KIAA0825: variants seen among roughly 807,000 people sequenced by gnomAD.
The protein encoded by KIAA0825 is KIAA0825.
Under a neutral mutation model 147.6 loss-of-function variants are expected in KIAA0825, and 119 were observed. That is an observed-to-expected ratio of 0.81 (90% CI 0.69 to 0.94). The LOEUF (loss-of-function observed/expected upper bound fraction) is 0.94, where lower values mean the gene tolerates loss of function less well. KIAA0825 is among the 40% of genes least tolerant of loss of function. KIAA0825 has a pLI of 0.00. For missense variants in KIAA0825, 1,381 were observed against 1,472.7 expected (o/e 0.94, Z 1.02); for synonymous variants, 470 against 518.1 (o/e 0.91, Z 1.26).
intron 3 of KIAA0825, among the ~76,000 whole-genome samples, chr5:94,535,025 T>C (rs1771677092): frequency 6.6e-6 from 1 of 152,116 alleles, no homozygotes; most frequent in East Asian, 1.9e-4. Context: ...TTTATATTTA[T>C]ATGAAATATC....
chr5:94,405,354 T>C (rs1007935849), intron 15 of KIAA0825, among the ~76,000 whole-genome samples: 1 of 152,150 alleles, frequency 6.6e-6, no homozygotes, highest in African/African-American at 2.4e-5. Context: ...AGATGTTATA[T>C]GCAATAAAGA....
intron 5 of KIAA0825, among the ~76,000 whole-genome samples, chr5:94,495,509 A>G (rs909630928): frequency 2.6e-5 from 4 of 152,226 alleles, no homozygotes; most frequent in African/African-American, 7.2e-5. Context: ...ACAAGGCACC[A>G]TGTGACATGC....
chr5:94,361,136 T>A lies in KIAA0825; in HGVS notation c.3710+23232A>T, dbSNP rs77494001. Reference sequence around the variant, plus strand: ...AAATATAATTAAAATAACTCAATAGTTTCCACCTAATATTTTCTTACATAA... The same window carrying A: ...AAATATAATTAAAATAACTCAATAGATTCCACCTAATATTTTCTTACATAA... On this transcript the variant is annotated intron_variant, in intron 20 of 20. Coordinates refer to ENST00000682413, the MANE Select transcript of KIAA0825 (RefSeq NM_001145678.3). Among the ~76,000 whole-genome samples the A allele has an allele frequency of 6.6e-3, 1,009 of 152,340 alleles. 5 individuals carry two copies. Among genetic ancestry groups the A allele is most frequent in the Non-Finnish European group, 0.012 (797 of 68,030 alleles).
chr5:94,507,455 GC>G (rs548939779), intron 5 of KIAA0825, among the ~76,000 whole-genome samples: 23 of 110,560 alleles, frequency 2.1e-4, no homozygotes, highest in African/African-American at 5.0e-4. Context: ...CCGTCCCCCC[GC>G]CCCCCCCAAA....
chr5:94,265,239 TG>T (rs1776689789), intron 20 of KIAA0825, among the ~76,000 whole-genome samples: 1 of 152,224 alleles, frequency 6.6e-6, no homozygotes, highest in Admixed American at 6.5e-5. Flanking sequence ...TTTAGTTTAA[TG>T]TTATCATTGG....
intron 20 of KIAA0825, among the ~76,000 whole-genome samples, chr5:94,363,648 G>A (rs1445219965): frequency 1.3e-5 from 2 of 152,148 alleles, no homozygotes; most frequent in Non-Finnish European, 2.9e-5. Context: ...TGCTTAGGGA[G>A]GCTGAGGCAG....
At chr5:94,516,619 G>A (rs1231898326) in intron 5 of KIAA0825, among the ~76,000 whole-genome samples, 2 of 145,868 alleles carry the variant, frequency 1.4e-5, no homozygotes, top group Non-Finnish European at 3.0e-5. Flanking sequence ...GTGAAACCCC[G>A]TCTCTACTAA....
At chr5:94,329,551 G>A (rs1426354987) in intron 20 of KIAA0825, among the ~76,000 whole-genome samples, 1 of 152,134 alleles carries the variant, frequency 6.6e-6, no homozygotes, top group African/African-American at 2.4e-5. Context: ...TAGAGTTCTG[G>A]TTTGGGAGAA....
At chr5:94,419,018 G>A (rs1753833690) in intron 14 of KIAA0825, among the ~76,000 whole-genome samples, 2 of 151,996 alleles carry the variant, frequency 1.3e-5, no homozygotes, top group Admixed American at 6.6e-5. Context: ...GGTCTAAGGT[G>A]TGCATCACCA....
chr5:94,284,482 G>A (rs1447372816), intron 20 of KIAA0825, among the ~76,000 whole-genome samples: 5 of 151,990 alleles, frequency 3.3e-5, no homozygotes, highest in Non-Finnish European at 7.4e-5. Flanking sequence ...TAATCACCCT[G>A]CAGACAAGTT....
At chr5:94,525,806 C>CA (rs754945107) in intron 3 of KIAA0825, among the ~76,000 whole-genome samples, 2 of 151,868 alleles carry the variant, frequency 1.3e-5, no homozygotes, top group Non-Finnish European at 2.9e-5. Flanking sequence ...GGGCAGAGGC[C>CA]AAAAACTACA....
chr5:94,453,339 ATTTTTTTT>A (rs563316235), intron 12 of KIAA0825, among the ~76,000 whole-genome samples: 15 of 118,212 alleles, frequency 1.3e-4, no homozygotes, highest in Middle Eastern at 4.3e-3. Context: ...CGTGTGGCTG[ATTTTTTTT>A]TTTTTTTTTT....
chr5:94,180,644 ATTTCATGTTTC>A (rs1197877065), intron 20 of KIAA0825, among the ~76,000 whole-genome samples: 1 of 152,102 alleles, frequency 6.6e-6, no homozygotes, highest in Non-Finnish European at 1.5e-5. Flanking sequence ...ATCCTATGGC[ATTTCATGTTTC>A]AGAGAAGTTT....
At chr5:94,520,046 C>G (rs967686774) in intron 5 of KIAA0825, 21 of 1,129,572 alleles carry the variant, frequency 1.9e-5, no homozygotes, top group Non-Finnish European at 2.4e-5. Flanking sequence ...ATATCTTTAA[C>G]AATTTAATAA....
chr5:94,477,028 A>C, intron 7 of KIAA0825, 83 bp downstream of exon 7: 3 of 1,007,358 alleles, frequency 3.0e-6, no homozygotes, highest in Non-Finnish European at 4.4e-6. Context: ...GTAAAACTCA[A>C]GACATCTTGA....
chr5:94,286,559 C>CT (rs780147367), intron 20 of KIAA0825, among the ~76,000 whole-genome samples: 36 of 147,418 alleles, frequency 2.4e-4, no homozygotes, highest in Admixed American at 4.1e-4. Flanking sequence ...TTCTTTTTTT[C>CT]TTTTTTTTTT....
At chr5:94,434,128 A>G (rs1756043462) in intron 14 of KIAA0825, among the ~76,000 whole-genome samples, 1 of 152,240 alleles carries the variant, frequency 6.6e-6, no homozygotes, top group Non-Finnish European at 1.5e-5. Context: ...GACCTAACTT[A>G]AAACCAAGAA....
chr5:94,492,872 T>A (rs1763894460), intron 5 of KIAA0825, among the ~76,000 whole-genome samples: 1 of 152,210 alleles, frequency 6.6e-6, no homozygotes, highest in Non-Finnish European at 1.5e-5. Flanking sequence ...ATTGACTCCA[T>A]CTCTAAGGTT....
chr5:94,405,662 T>C (rs188213249), intron 15 of KIAA0825, among the ~76,000 whole-genome samples: 66 of 152,288 alleles, frequency 4.3e-4, no homozygotes, highest in African/African-American at 1.5e-3. Flanking sequence ...CTGGTCTAAT[T>C]TTCTCACTTT....
Sources: gnomAD v4.1 joint callset for allele counts (sites outside exome capture counted in the v4.1 genomes callset) on GRCh38, gnomAD v4.1.1 for gene constraint, MANE v1.5 for transcripts, NCBI Gene and HGNC (gene_info 2026-07-23, HGNC 2026-07-21) for gene names.